IL1RAPL2: variants seen among roughly 807,000 people sequenced by gnomAD.
IL1RAPL2 encodes interleukin 1 receptor accessory protein like 2, also known as X-linked interleukin-1 receptor accessory protein-like 2.
A neutral mutation model predicts 44.1 loss-of-function variants in IL1RAPL2; 3 were observed. The observed-to-expected ratio is 0.07, with a 90% CI of 0.03 to 0.18. The LOEUF is 0.18. Among genes scored for constraint, IL1RAPL2 ranks in the 10% least tolerant of loss-of-function variants. The probability of loss-of-function intolerance (pLI) is 1.00; values close to 1 mark genes in which losing one functional copy is unlikely to be tolerated. For synonymous variants in IL1RAPL2, 181 were observed against 178.8 expected (o/e 1.01, Z -0.10); for missense variants, 391 against 496.4 (o/e 0.79, Z 2.02).
chrX:105,125,254 G>A lies in IL1RAPL2; in HGVS notation c.83-70221G>A, dbSNP rs140788850. On this transcript the variant is annotated intron_variant, in intron 2 of 10. Coordinates refer to ENST00000372582, the MANE Select transcript of IL1RAPL2 (RefSeq NM_017416.2). ...CTACCACATATATTCCCAGAACTTAGCACAGTGCCTGGCAGAAAAAAGGTG... is the reference window on the plus strand; with the variant it reads ...CTACCACATATATTCCCAGAACTTAACACAGTGCCTGGCAGAAAAAAGGTG... 7.2e-5 allele frequency among the ~76,000 whole-genome samples: 8 copies of A among 110,806 alleles called. No homozygotes were observed. The East Asian group carries it at 2.3e-3, about 31-fold the overall frequency.
chrX:104,621,987 C>T (rs553001458), intron 1 of IL1RAPL2, among the ~76,000 whole-genome samples: 11 of 111,057 alleles, frequency 9.9e-5, no homozygotes, highest in Non-Finnish European at 1.9e-4. Flanking sequence ...TGGCTCAGAA[C>T]CAACCATTGT....
At chrX:105,444,364 A>G (rs2147756893) in intron 5 of IL1RAPL2, among the ~76,000 whole-genome samples, 1 of 110,868 alleles carries the variant, frequency 9.0e-6, no homozygotes, top group African/African-American at 3.3e-5. Flanking sequence ...ACATTTGTTC[A>G]TTTTTGCGTT....
At chrX:105,301,048 A>C (rs1405850908) in intron 5 of IL1RAPL2, among the ~76,000 whole-genome samples, 1 of 111,905 alleles carries the variant, frequency 8.9e-6, no homozygotes, top group Non-Finnish European at 1.9e-5. Context: ...AGAAAAACTC[A>C]AAATAATGGA....
intron 2 of IL1RAPL2, among the ~76,000 whole-genome samples, chrX:104,948,591 C>T (rs1233811964): frequency 9.1e-6 from 1 of 110,340 alleles, no homozygotes; most frequent in Non-Finnish European, 1.9e-5. Context: ...AAATACGTCC[C>T]ATCAATACCT....
chrX:104,864,576 C>T (rs1176494890), intron 2 of IL1RAPL2, among the ~76,000 whole-genome samples: 1 of 111,565 alleles, frequency 9.0e-6, no homozygotes, highest in East Asian at 2.8e-4. Context: ...AGTATTGTTC[C>T]TGGGTGTGTC....
At chrX:104,724,894 T>C (rs1231703493) in intron 2 of IL1RAPL2, among the ~76,000 whole-genome samples, 2 of 111,634 alleles carry the variant, frequency 1.8e-5, no homozygotes, top group Non-Finnish European at 3.8e-5. Context: ...GTGTCTATTT[T>C]TTAAATTATA....
chrX:105,685,368 T>C (rs1412450910), intron 6 of IL1RAPL2, among the ~76,000 whole-genome samples: 1 of 111,834 alleles, frequency 8.9e-6, no homozygotes, highest in Non-Finnish European at 1.9e-5. Context: ...TTAAATGACC[T>C]GATGGAGCTG....
intron 5 of IL1RAPL2, among the ~76,000 whole-genome samples, chrX:105,355,094 T>G (rs1190955356): frequency 8.9e-6 from 1 of 111,850 alleles, no homozygotes; most frequent in Non-Finnish European, 1.9e-5. Flanking sequence ...CTGTGTCTCC[T>G]TGTTCCACCA....
chrX:104,605,664 A>G (rs1928992622), intron 1 of IL1RAPL2, among the ~76,000 whole-genome samples: 1 of 112,174 alleles, frequency 8.9e-6, no homozygotes. Flanking sequence ...AGAAATGCAA[A>G]CTACCATTAG....
chrX:105,096,406 A>T (rs1181180287), intron 2 of IL1RAPL2, among the ~76,000 whole-genome samples: 3 of 112,349 alleles, frequency 2.7e-5, no homozygotes, highest in Admixed American at 9.4e-5. Context: ...TCATAGTAGC[A>T]TTATTCATAT....
chrX:105,571,465 C>T (rs1213651379), intron 6 of IL1RAPL2, among the ~76,000 whole-genome samples: 1 of 110,911 alleles, frequency 9.0e-6, no homozygotes, highest in Non-Finnish European at 1.9e-5. Flanking sequence ...TATATTTCCC[C>T]TCATGTTAGT....
At chrX:105,517,282 G>C (rs1477049251) in intron 6 of IL1RAPL2, among the ~76,000 whole-genome samples, 1 of 111,535 alleles carries the variant, frequency 9.0e-6, no homozygotes, top group Admixed American at 9.5e-5. Flanking sequence ...ATATGCTACT[G>C]TAAACACAGT....
intron 10 of IL1RAPL2, among the ~76,000 whole-genome samples, chrX:105,759,650 A>G (rs1215634878): frequency 8.9e-6 from 1 of 112,278 alleles, no homozygotes; most frequent in Non-Finnish European, 1.9e-5. Context: ...TAAGGGAAAA[A>G]GTATAATGTC....
chrX:104,745,661 C>T (rs920618226), intron 2 of IL1RAPL2, among the ~76,000 whole-genome samples: 6 of 111,157 alleles, frequency 5.4e-5, no homozygotes, highest in Admixed American at 1.9e-4. Context: ...GCAATGAGAG[C>T]GTTAGTACAT....
At chrX:105,037,404 G>A (rs2031648663) in intron 2 of IL1RAPL2, among the ~76,000 whole-genome samples, 1 of 111,155 alleles carries the variant, frequency 9.0e-6, no homozygotes, top group African/African-American at 3.3e-5. Context: ...GTAGTTACAG[G>A]GGGACAACAA....
At chrX:105,164,701 GC>G (rs1183989908) in intron 2 of IL1RAPL2, among the ~76,000 whole-genome samples, 1 of 111,656 alleles carries the variant, frequency 9.0e-6, no homozygotes, top group Non-Finnish European at 1.9e-5. Flanking sequence ...TAAAACCTCA[GC>G]CTTGGGAATC....
At chrX:104,706,173 A>G (rs1241999323) in intron 2 of IL1RAPL2, among the ~76,000 whole-genome samples, 4 of 111,293 alleles carry the variant, frequency 3.6e-5, no homozygotes, top group African/African-American at 1.3e-4. Flanking sequence ...CTGTGTGCCC[A>G]TGGACAAGTC....
At chrX:105,099,578 C>T (rs1322078403) in intron 2 of IL1RAPL2, among the ~76,000 whole-genome samples, 2 of 103,510 alleles carry the variant, frequency 1.9e-5, no homozygotes, top group Non-Finnish European at 3.9e-5. Context: ...CATTCTCCTG[C>T]CTCAGCCTCC....
At chrX:104,647,551 C>T (rs1009539645) in intron 1 of IL1RAPL2, 26 of 514,367 alleles carry the variant, frequency 5.1e-5, no homozygotes, top group Non-Finnish European at 9.2e-5. Context: ...GATTGTCACT[C>T]ACCTGCCTGG....
Sources: allele counts gnomAD v4.1 joint callset (sites outside exome capture counted in the v4.1 genomes callset), GRCh38; gene constraint gnomAD v4.1.1; transcripts MANE v1.5; gene names NCBI Gene and HGNC (gene_info 2026-07-23, HGNC 2026-07-21).